Variants in SAMD12 observed in about 807,000 individuals in gnomAD.
SAMD12 encodes the protein sterile alpha motif domain-containing protein 12.
SAMD12 carries 9 observed loss-of-function variants against 15.0 expected under a neutral mutation model. That is an observed-to-expected ratio of 0.60 (90% CI 0.36 to 1.05). The LOEUF (loss-of-function observed/expected upper bound fraction) is 1.05, where lower values mean the gene tolerates loss of function less well. Ranked by LOEUF, SAMD12 falls within the 50% of genes least tolerant of loss-of-function variation. The pLI is 0.01. For synonymous variants in SAMD12, 86 were observed against 90.1 expected, an observed-to-expected ratio of 0.96 and a Z score of 0.25; for missense variants, 230 against 234.2, an observed-to-expected ratio of 0.98 and a Z score of 0.12.
At chr8:118,249,557 A>T (rs1812773378) in intron 4 of SAMD12, among the ~76,000 whole-genome samples, 1 of 152,190 alleles carries the variant, frequency 6.6e-6, no homozygotes, top group African/African-American at 2.4e-5. Context: ...TATGCATCAC[A>T]CACAATTTTC....
chr8:118,398,046 C>T (rs897375889), intron 3 of SAMD12, among the ~76,000 whole-genome samples: 1 of 152,180 alleles, frequency 6.6e-6, no homozygotes, highest in African/African-American at 2.4e-5. Flanking sequence ...GCCTCGGGCT[C>T]CCAAAGTGCT....
chr8:118,138,195 C>T, the SAMD12 span, among the ~76,000 whole-genome samples: 4 of 125,578 alleles, frequency 3.2e-5, no homozygotes, highest in Non-Finnish European at 7.7e-5. Flanking sequence ...CTGATTCCAA[C>T]GCTTACTGAG....
rs139665031 is a variant in SAMD12 at position 118,249,725 on chromosome 8, T to C, written c.434-51993A>G. Among the ~76,000 whole-genome samples, 13 of 152,286 alleles carry C rather than the reference T, an allele frequency of 8.5e-5. 1 individual carries two copies. Among genetic ancestry groups the C allele is most frequent in the Middle Eastern group, 3.4e-3 (1 of 294 alleles). On this transcript the variant is annotated intron_variant, in intron 4 of 4. Coordinates refer to the SAMD12 transcript ENST00000409003. ...GCAATAATTCCAGGATTCCTGTGTA[T>C]TGTCTGTAAGAAAACAGGCCTCCTT...
chr8:118,169,421 T>C, the SAMD12 span, among the ~76,000 whole-genome samples: 8 of 151,970 alleles, frequency 5.3e-5, no homozygotes, highest in Admixed American at 1.3e-4. Flanking sequence ...TCTTTTTAAA[T>C]ATGTGATTTT....
At chr8:118,512,453 A>G (rs368041639) in intron 2 of SAMD12, among the ~76,000 whole-genome samples, 1 of 152,226 alleles carries the variant, frequency 6.6e-6, no homozygotes, top group Non-Finnish European at 1.5e-5. Context: ...CAGTTGAACA[A>G]ATTCTGAATA....
chr8:118,161,354 T>C, the SAMD12 span, among the ~76,000 whole-genome samples: 2 of 151,272 alleles, frequency 1.3e-5, no homozygotes, highest in Admixed American at 6.6e-5. Context: ...GAGGCTAAGG[T>C]GGGAGGATCG....
intron 4 of SAMD12, among the ~76,000 whole-genome samples, chr8:118,345,350 T>C (rs1308669105): frequency 2.0e-5 from 3 of 152,200 alleles, no homozygotes; most frequent in Admixed American, 1.3e-4. Flanking sequence ...TATCTAATGA[T>C]GCATATCCCA....
At chr8:118,159,438 C>T in the SAMD12 span, among the ~76,000 whole-genome samples, 2 of 152,274 alleles carry the variant, frequency 1.3e-5, no homozygotes, top group South Asian at 2.1e-4. Flanking sequence ...CTGGTTTGCC[C>T]TTGGCAAACA....
chr8:118,426,858 A>G lies in SAMD12; in HGVS notation c.322+12974T>C, dbSNP rs1822250259. 2.0e-5 allele frequency among the ~76,000 whole-genome samples: 3 copies of G among 152,218 alleles called. No individual in the cohort carries two copies. In the South Asian group the frequency reaches 6.2e-4, roughly 32 times the overall value. ...TGGTTTATAAAATGGTGGTGAGAGT[A>G]CTTTTTAATTAAAAAATATTAATGA... On this transcript the variant is annotated intron_variant, in intron 3 of 3. Transcript: ENST00000314727.
the SAMD12 span, among the ~76,000 whole-genome samples, chr8:118,140,495 C>T: frequency 9.9e-5 from 15 of 152,150 alleles, no homozygotes; most frequent in Non-Finnish European, 2.1e-4. Context: ...TGGCCTCAAA[C>T]TCCTGGACAC....
At chr8:118,184,215 G>A in the SAMD12 span, among the ~76,000 whole-genome samples, 1 of 152,116 alleles carries the variant, frequency 6.6e-6, no homozygotes, top group Non-Finnish European at 1.5e-5. Context: ...TTTTCACAGA[G>A]CAGCATCATT....
chr8:118,450,463 G>A (rs988450342), intron 2 of SAMD12, among the ~76,000 whole-genome samples: 22 of 152,136 alleles, frequency 1.4e-4, no homozygotes, highest in African/African-American at 4.6e-4. Context: ...TCTACGGGAG[G>A]TGCTGTGACA....
chr8:118,304,617 G>T (rs552291685), intron 4 of SAMD12, among the ~76,000 whole-genome samples: 1 of 151,806 alleles, frequency 6.6e-6, no homozygotes, highest in East Asian at 1.9e-4. Context: ...AAAATTACCC[G>T]GGAGTGGTGG....
At chr8:118,528,938 C>T (rs59602937) in intron 2 of SAMD12, among the ~76,000 whole-genome samples, 2,411 of 152,144 alleles carry the variant, frequency 0.016, 59 homozygotes, top group African/African-American at 0.053. Context: ...GGGCCACCCC[C>T]GCCGTAAGGC....
chr8:118,241,639 C>T (rs988735433), intron 4 of SAMD12, among the ~76,000 whole-genome samples: 5 of 152,090 alleles, frequency 3.3e-5, no homozygotes, highest in South Asian at 2.1e-4. Context: ...GGCGTGGCAA[C>T]GGATGAGCTC....
At chr8:118,407,204 C>T (rs1821175954) in intron 3 of SAMD12, among the ~76,000 whole-genome samples, 1 of 152,210 alleles carries the variant, frequency 6.6e-6, no homozygotes, top group South Asian at 2.1e-4. Context: ...ACTGATGGAT[C>T]ATATGGTAAT....
At chr8:118,520,583 T>A (rs1358720196) in intron 2 of SAMD12, among the ~76,000 whole-genome samples, 1 of 152,060 alleles carries the variant, frequency 6.6e-6, no homozygotes, top group East Asian at 1.9e-4. Flanking sequence ...CATAACACAA[T>A]TGAGAAGATA....
intron 1 of SAMD12, among the ~76,000 whole-genome samples, chr8:118,593,111 CAAATGTCTAT>C (rs1419050366): frequency 2.0e-5 from 3 of 152,072 alleles, no homozygotes; most frequent in African/African-American, 4.8e-5. Flanking sequence ...TTGATCTTCA[CAAATGTCTAT>C]ATATGCATGT....
intron 4 of SAMD12, among the ~76,000 whole-genome samples, chr8:118,290,074 T>G (rs1464267055): frequency 6.6e-6 from 1 of 152,198 alleles, no homozygotes; most frequent in African/African-American, 2.4e-5. Flanking sequence ...TTCAATGACT[T>G]GTAAGCTTGC....
Sources: gnomAD v4.1 joint callset for allele counts (sites outside exome capture counted in the v4.1 genomes callset) on GRCh38, gnomAD v4.1.1 for gene constraint, MANE v1.5 for transcripts, NCBI Gene and HGNC (gene_info 2026-07-23, HGNC 2026-07-21) for gene names.